The following DGKB variants were observed in gnomAD, a reference collection of about 807,000 sequenced individuals.
DGKB encodes diacylglycerol kinase beta.
In DGKB, 67 loss-of-function variants were observed where a neutral mutation model predicts 114.3. The ratio of observed to expected loss-of-function variants is 0.59; its 90% CI spans 0.48 to 0.72. The LOEUF is 0.72. Ranked by LOEUF, DGKB falls within the 30% of genes least tolerant of loss-of-function variation. The pLI is 0.00. For synonymous variants in DGKB, 398 were observed against 323.1 expected, an observed-to-expected ratio of 1.23 and a Z score of -2.49; for missense variants, 907 against 975.2, an observed-to-expected ratio of 0.93 and a Z score of 0.93.
intron 2 of DGKB, among the ~76,000 whole-genome samples, chr7:14,780,617 A>G (rs1469576026): frequency 7.0e-6 from 1 of 143,164 alleles, no homozygotes; most frequent in Non-Finnish European, 1.5e-5. Flanking sequence ...CATTTTGAGC[A>G]TGATGTTCCA....
At chr7:14,753,987 T>C in intron 3 of DGKB, 39 bp from the exon 4 acceptor site, 2 of 1,361,608 alleles carry the variant, frequency 1.5e-6, no homozygotes, top group Non-Finnish European at 1.0e-6. Flanking sequence ...TGTGTTAATG[T>C]AAGATACTTT....
chr7:14,665,280 A>G (rs947530448), intron 13 of DGKB, among the ~76,000 whole-genome samples: 2 of 151,998 alleles, frequency 1.3e-5, no homozygotes, highest in African/African-American at 4.8e-5. Context: ...TAATGTAGGA[A>G]CAGAAAACCA....
intron 19 of DGKB, among the ~76,000 whole-genome samples, chr7:14,576,476 C>T (rs1379123637): frequency 6.6e-6 from 1 of 151,812 alleles, no homozygotes; most frequent in African/African-American, 2.4e-5. Context: ...TTTCCAAATT[C>T]TGCTTTCATG....
chr7:14,908,688 AT>A (rs1318098286), intron 1 of DGKB, among the ~76,000 whole-genome samples: 3 of 152,124 alleles, frequency 2.0e-5, no homozygotes, highest in African/African-American at 4.8e-5. Flanking sequence ...CCTTAGAGCT[AT>A]TTTTTATTAA....
At chr7:14,758,875 G>A (rs1159892125) in intron 2 of DGKB, among the ~76,000 whole-genome samples, 3 of 147,470 alleles carry the variant, frequency 2.0e-5, no homozygotes, top group African/African-American at 7.8e-5. Context: ...TTGTGTATGT[G>A]TGTGAAACAA....
At chr7:14,931,698 G>A (rs1180993358) in intron 1 of DGKB, among the ~76,000 whole-genome samples, 1 of 152,076 alleles carries the variant, frequency 6.6e-6, no homozygotes, top group African/African-American at 2.4e-5. Flanking sequence ...CTCAGACCAC[G>A]GCTGTGGCAG....
chr7:14,754,414 A>C (rs1834570285), intron 3 of DGKB, among the ~76,000 whole-genome samples: 1 of 152,188 alleles, frequency 6.6e-6, no homozygotes, highest in South Asian at 2.1e-4. Context: ...GATTTTGAAT[A>C]TGTATTTCCC....
intron 16 of DGKB, among the ~76,000 whole-genome samples, chr7:14,611,268 T>A (rs1449681925): frequency 6.6e-6 from 1 of 152,172 alleles, no homozygotes; most frequent in African/African-American, 2.4e-5. Flanking sequence ...TTTATGTCCC[T>A]GCCTCTCTGC....
intron 6 of DGKB, among the ~76,000 whole-genome samples, chr7:14,713,242 A>G (rs911849004): frequency 2.6e-5 from 4 of 152,116 alleles, no homozygotes; most frequent in Admixed American, 6.6e-5. Context: ...ATATCCTACT[A>G]TACACACTCT....
intron 7 of DGKB, among the ~76,000 whole-genome samples, chr7:14,699,820 C>T (rs1336315645): frequency 1.3e-5 from 2 of 151,750 alleles, no homozygotes; most frequent in African/African-American, 4.8e-5. Flanking sequence ...TATTTATCCC[C>T]AACTCATTGT....
chr7:14,919,092 ACAAACAC>A (rs1562875434), intron 1 of DGKB, among the ~76,000 whole-genome samples: 9 of 129,206 alleles, frequency 7.0e-5, no homozygotes, highest in Admixed American at 3.2e-4. Context: ...ACACACACAC[ACAAACAC>A]ACACACACAC....
chr7:14,252,431 G>A (rs955195263), intron 23 of DGKB, among the ~76,000 whole-genome samples: 3 of 152,164 alleles, frequency 2.0e-5, no homozygotes, highest in African/African-American at 7.2e-5. Context: ...TAAAGAAATG[G>A]CAGCTCTTTC....
intron 23 of DGKB, among the ~76,000 whole-genome samples, chr7:14,202,338 TATC>T (rs1433385675): frequency 6.6e-6 from 1 of 151,978 alleles, no homozygotes; most frequent in Non-Finnish European, 1.5e-5. Flanking sequence ...CTTCCCATGA[TATC>T]ATAATTCCTC....
chr7:14,791,307 TAAG>T (rs1186973362), intron 2 of DGKB, among the ~76,000 whole-genome samples: 4 of 152,242 alleles, frequency 2.6e-5, no homozygotes, highest in Admixed American at 2.0e-4. Context: ...TCAGTAATTC[TAAG>T]AAGCTGTTTT....
intron 21 of DGKB, among the ~76,000 whole-genome samples, chr7:14,456,715 C>A (rs1832336272): frequency 6.6e-6 from 1 of 151,816 alleles, no homozygotes; most frequent in Non-Finnish European, 1.5e-5. Context: ...AATATTTTAC[C>A]ATTTGTAATT....
chr7:14,563,133 T>C lies in DGKB; in HGVS notation c.1770+11079A>G, dbSNP rs570421845. On this transcript the variant is annotated intron_variant, in intron 20 of 25. Transcript: ENST00000402815. ...GTACACGCTCTCTTGCCTGCCACCA[T>C]GTAAGGCACGCCTTTGTTCCTCTTC... 4.6e-5 allele frequency among the ~76,000 whole-genome samples: 7 copies of C among 152,310 alleles called. No individual in the cohort carries two copies. The East Asian group carries it at 5.8e-4, about 13-fold the overall frequency.
chr7:14,553,865 C>CTTTTTGTTTT (rs1795470365), intron 20 of DGKB, among the ~76,000 whole-genome samples: 1 of 71,208 alleles, frequency 1.4e-5, no homozygotes, highest in Non-Finnish European at 2.4e-5. Context: ...CCTTTACATG[C>CTTTTTGTTTT]TTTTTTTTTT....
intron 1 of DGKB, among the ~76,000 whole-genome samples, chr7:14,869,867 G>A (rs545075144): frequency 1.1e-4 from 16 of 152,048 alleles, no homozygotes; most frequent in Non-Finnish European, 2.4e-4. Flanking sequence ...GAGATGACTC[G>A]CTAATGCTCA....
chr7:14,768,959 A>C (rs73682543), intron 2 of DGKB, among the ~76,000 whole-genome samples: 2,424 of 151,964 alleles, frequency 0.016, 64 homozygotes, highest in African/African-American at 0.055. Flanking sequence ...ATACTAGCTA[A>C]ATGTGTAGGG....
Sources: gnomAD v4.1 joint callset for allele counts (sites outside exome capture counted in the v4.1 genomes callset) on GRCh38, gnomAD v4.1.1 for gene constraint, MANE v1.5 for transcripts, NCBI Gene and HGNC (gene_info 2026-07-23, HGNC 2026-07-21) for gene names.